The following TRPC4 variants were observed in gnomAD, a reference collection of about 807,000 sequenced individuals.
The protein encoded by TRPC4 is transient receptor potential cation channel subfamily C member 4.
TRPC4 carries 49 observed loss-of-function variants against 99.4 expected under a neutral mutation model. The observed-to-expected ratio is 0.49, with a 90% confidence interval of 0.39 to 0.63. The LOEUF is 0.63. Among genes scored for constraint, TRPC4 ranks in the 20% least tolerant of loss-of-function variants. The pLI, the probability that TRPC4 is intolerant of heterozygous loss-of-function variation, is 0.00. For synonymous variants in TRPC4, 454 were observed against 425.9 expected (o/e 1.07, Z -0.81); for missense variants, 898 against 1,152.9 (o/e 0.78, Z 3.20).
intron 3 of TRPC4, among the ~76,000 whole-genome samples, chr13:37,703,324 G>A (rs1352229213): frequency 6.6e-6 from 1 of 151,974 alleles, no homozygotes; most frequent in Non-Finnish European, 1.5e-5. Flanking sequence ...TATGTTTATT[G>A]TGTTGATAAG....
intron 8 of TRPC4, among the ~76,000 whole-genome samples, chr13:37,649,462 C>T (rs148976088): frequency 1.3e-5 from 2 of 152,018 alleles, no homozygotes; most frequent in African/African-American, 4.8e-5. Context: ...TGGCCGGGCG[C>T]GGTGGCTCAC....
intron 3 of TRPC4, among the ~76,000 whole-genome samples, chr13:37,698,027 C>CA (rs1953973084): frequency 6.6e-6 from 1 of 151,770 alleles, no homozygotes; most frequent in South Asian, 2.1e-4. Context: ...TGGTGGTTCT[C>CA]AAAATTGAGC....
intron 2 of TRPC4, among the ~76,000 whole-genome samples, chr13:37,753,438 T>C (rs1267256547): frequency 6.6e-6 from 1 of 151,820 alleles, no homozygotes; most frequent in Non-Finnish European, 1.5e-5. Context: ...AAAATTGAAA[T>C]GGTTGGAGGC....
chr13:37,839,305 G>T (rs974446096), intron 1 of TRPC4, among the ~76,000 whole-genome samples: 1 of 152,090 alleles, frequency 6.6e-6, no homozygotes, highest in Non-Finnish European at 1.5e-5. Flanking sequence ...CTATAGTAAA[G>T]GTGATGAGTT....
intron 1 of TRPC4, among the ~76,000 whole-genome samples, chr13:37,834,330 T>C (rs1052818843): frequency 3.3e-5 from 5 of 152,242 alleles, no homozygotes; most frequent in Non-Finnish European, 2.9e-5. Flanking sequence ...AAGTCACATG[T>C]ACTTTCAATT....
chr13:37,804,457 G>T (rs554352142), intron 1 of TRPC4, among the ~76,000 whole-genome samples: 1 of 151,930 alleles, frequency 6.6e-6, no homozygotes, highest in African/African-American at 2.4e-5. Context: ...TATGGAAAGA[G>T]GATATCAGCT....
At chr13:37,730,229 G>A (rs910837920) in intron 3 of TRPC4, among the ~76,000 whole-genome samples, 2 of 151,916 alleles carry the variant, frequency 1.3e-5, no homozygotes, top group African/African-American at 2.4e-5. Flanking sequence ...TACCTCAGGA[G>A]GTAGTTTCAG....
chr13:37,830,760 G>A (rs986973777), intron 1 of TRPC4, among the ~76,000 whole-genome samples: 1 of 147,106 alleles, frequency 6.8e-6, no homozygotes. Flanking sequence ...AAAATCTATG[G>A]TGGTATAAAT....
chr13:37,769,614 ACT>A (rs1956492341), intron 2 of TRPC4, among the ~76,000 whole-genome samples: 1 of 151,436 alleles, frequency 6.6e-6, no homozygotes, highest in Admixed American at 6.6e-5. Flanking sequence ...CTTTTAGACA[ACT>A]TTTAGCTCAG....
chr13:37,845,191 A>T (rs950779809), intron 1 of TRPC4, among the ~76,000 whole-genome samples: 1 of 152,198 alleles, frequency 6.6e-6, no homozygotes, highest in Non-Finnish European at 1.5e-5. Flanking sequence ...AGACTAGGCT[A>T]GAAGAAATAG....
intron 3 of TRPC4, among the ~76,000 whole-genome samples, chr13:37,722,397 T>A (rs1954900998): frequency 6.6e-6 from 1 of 152,192 alleles, no homozygotes; most frequent in African/African-American, 2.4e-5. Flanking sequence ...TTGATTAGGT[T>A]AAATTGGATG....
At chr13:37,716,645 A>G (rs952850639) in intron 3 of TRPC4, among the ~76,000 whole-genome samples, 1 of 152,164 alleles carries the variant, frequency 6.6e-6, no homozygotes, top group Non-Finnish European at 1.5e-5. Context: ...GACATAAAAG[A>G]CATTACTGCT....
At chr13:37,778,086 C>A (rs773744402) in intron 2 of TRPC4, among the ~76,000 whole-genome samples, 1 of 152,004 alleles carries the variant, frequency 6.6e-6, no homozygotes, top group African/African-American at 2.4e-5. Context: ...ATGTGTACAT[C>A]CAGAGACTTC....
intron 1 of TRPC4, among the ~76,000 whole-genome samples, chr13:37,809,468 T>TG (rs1491169365): frequency 7.4e-4 from 11 of 14,832 alleles, no homozygotes; most frequent in East Asian, 6.6e-3. Flanking sequence ...GGGTTTTGTG[T>TG]TTTTTTTTTT....
intron 2 of TRPC4, among the ~76,000 whole-genome samples, chr13:37,776,549 A>G (rs1191964323): frequency 6.6e-6 from 1 of 151,922 alleles, no homozygotes; most frequent in African/African-American, 2.4e-5. Flanking sequence ...GTCAATATCC[A>G]GGATTTGACC....
intron 2 of TRPC4, among the ~76,000 whole-genome samples, chr13:37,770,321 A>G (rs1796317507): frequency 6.6e-6 from 1 of 151,472 alleles, no homozygotes; most frequent in Middle Eastern, 3.2e-3. Flanking sequence ...GTTACTTTGT[A>G]TTAGGAGAAT....
At chr13:37,750,015 T>C (rs912331351) in intron 2 of TRPC4, among the ~76,000 whole-genome samples, 16 of 152,148 alleles carry the variant, frequency 1.1e-4, no homozygotes, top group Non-Finnish European at 2.9e-5. Context: ...TTCTCAGATA[T>C]ACTCACAGAT....
chr13:37,815,353 G>T (rs890274953), intron 1 of TRPC4, among the ~76,000 whole-genome samples: 17 of 151,900 alleles, frequency 1.1e-4, no homozygotes, highest in African/African-American at 3.9e-4. Flanking sequence ...AGACCCAGCT[G>T]TATGCTGTCT....
At position 37,637,052 on chromosome 13, in the gene TRPC4, G is replaced by A; in HGVS notation, c.2785C>T (p.Pro929Ser). ...ACCACCACCTTCTCTGACTTGAATG[G>A]ACACACTCTCTTTCCTACCTGTAAC... is the stretch of plus-strand genomic sequence containing the variant. ...LGLQVGKRVC[P>S]FKSEKVVVED... The change falls in exon 11 of 11, where the codon CCA becomes TCA. Residue 929 changes from proline to serine, a missense_variant. By Grantham distance (74) the Pro-to-Ser change is moderately conservative (BLOSUM62 -1). This residue lies in a region of TRPC4 where 346 missense variants were observed against 351.4 expected (regional missense o/e 0.98). Coordinates refer to ENST00000379705, the MANE Select transcript of TRPC4 (RefSeq NM_016179.4). 1 of 1,613,654 alleles carries A rather than the reference G, an allele frequency of 6.2e-7. No homozygotes were observed. The highest frequency in any genetic ancestry group is 8.5e-7 in the Non-Finnish European group (1 of 1,179,768).
Sources: allele counts gnomAD v4.1 joint callset (sites outside exome capture counted in the v4.1 genomes callset), GRCh38; gene constraint gnomAD v4.1.1; regional missense constraint gnomAD v4.1.1; transcripts MANE v1.5; gene names NCBI Gene and HGNC (gene_info 2026-07-23, HGNC 2026-07-21).